The following CEP57L1 variants were observed in gnomAD, a reference collection of about 807,000 sequenced individuals.
The protein encoded by CEP57L1 is centrosomal protein CEP57L1.
A neutral mutation model predicts 61.0 loss-of-function variants in CEP57L1; 37 were observed. The observed-to-expected ratio is 0.61, with a 90% CI of 0.47 to 0.80. The LOEUF (loss-of-function observed/expected upper bound fraction) is 0.80, where lower values mean the gene tolerates loss of function less well. CEP57L1 is among the 30% of genes least tolerant of loss of function. The pLI, the probability that CEP57L1 is intolerant of heterozygous loss-of-function variation, is 0.00. For missense variants in CEP57L1, 422 were observed against 524.7 expected (o/e 0.80, Z 1.91); for synonymous variants, 137 against 162.3 (o/e 0.84, Z 1.19).
In CEP57L1 at chr6:109,141,968, C is replaced by G. The variant is rs185681545; in HGVS notation, c.-3-3251C>G. Among the ~76,000 whole-genome samples, 76 of 152,304 alleles carry G rather than the reference C, an allele frequency of 5.0e-4. No individual in the cohort carries two copies. The East Asian group carries it at 0.012, about 24-fold the overall frequency. The stretch of plus-strand genomic sequence containing the variant: ...CAAAAGTCTTCTATAGTATCTCTGA[C>G]TGCCCCCTAATGTCGTCTCCCTAGC... On this transcript the variant is annotated intron_variant, in intron 1 of 10. Coordinates refer to ENST00000517392, the MANE Select transcript of CEP57L1 (RefSeq NM_001271852.3).
chr6:109,122,789 A>G (rs1562520541), intron 1 of CEP57L1, among the ~76,000 whole-genome samples: 1 of 152,058 alleles, frequency 6.6e-6, no homozygotes, highest in Non-Finnish European at 1.5e-5. Flanking sequence ...CCTGGGCAAC[A>G]GGGTGAGATT....
chr6:109,127,787 ATT>A (rs80049866), intron 1 of CEP57L1, among the ~76,000 whole-genome samples: 3 of 140,302 alleles, frequency 2.1e-5, no homozygotes, highest in African/African-American at 2.6e-5. Flanking sequence ...CGCCTGGCTA[ATT>A]TTTTTTTTTT....
rs112767815 is a variant in CEP57L1, at chr6:109,159,478, C to CT, written c.1016+27dup. The CT allele has an allele frequency of 0.052, 53,526 of 1,028,382 alleles. 20 individuals are homozygous for CT. Among genetic ancestry groups the CT allele is most frequent in the Non-Finnish European group, 0.055 (41,221 of 746,974 alleles). The allele number at this position is 1,028,382 out of a possible 1,614,324, so 63.7% of individuals were successfully genotyped here. A position where few individuals can be genotyped will look rare whatever the true frequency, so the allele number is the denominator to read the frequency against. On this transcript the variant is annotated intron_variant, in intron 9 of 10. Coordinates refer to ENST00000517392, the MANE Select transcript of CEP57L1 (RefSeq NM_001271852.3). Reference sequence around the variant, plus strand: ...AAATGAGCATGTAAGTATTTATATTCTTTTTTTTTTTCAAGAGACAGTGTC... The same window carrying CT: ...AAATGAGCATGTAAGTATTTATATTCTTTTTTTTTTTTCAAGAGACAGTGTC...
At position 109,108,294 on chromosome 6, in the gene CEP57L1, G is replaced by A. The variant is rs544900375; in HGVS notation, c.-4+12719G>A. ...TCACTCTCGTCACCCAGGGTGGAGTGCAGTGGCGCGATCTCAGCTCACTGC... is the reference window on the plus strand; with the variant it reads ...TCACTCTCGTCACCCAGGGTGGAGTACAGTGGCGCGATCTCAGCTCACTGC... On this transcript the variant is annotated intron_variant, in intron 1 of 10. Coordinates refer to ENST00000517392, the MANE Select transcript of CEP57L1 (RefSeq NM_001271852.3). 2.0e-5 allele frequency among the ~76,000 whole-genome samples: 3 copies of A among 150,264 alleles called. No individual in the cohort carries two copies. The South Asian group carries it at 6.3e-4, about 32-fold the overall frequency.
At chr6:109,159,150 T>G in intron 8 of CEP57L1, 48 bp downstream of exon 8, 1 of 1,613,866 alleles carries the variant, frequency 6.2e-7, no homozygotes, top group Non-Finnish European at 8.5e-7. Context: ...ACTCCTGTTT[T>G]GTTGTAAGTG....
Position 109,172,040 on chromosome 6 carries a change from A to T in CEP57L1, c.*9070A>T, listed in dbSNP as rs935617210. 6.6e-6 allele frequency among the ~76,000 whole-genome samples: 1 copy of T among 152,198 alleles called. No individual in the cohort carries two copies. Among genetic ancestry groups the T allele is most frequent in the Non-Finnish European group, 1.5e-5 (1 of 68,028 alleles). On this transcript the variant is annotated 3_prime_UTR_variant, in exon 11 of 11. Transcript: ENST00000517392. ...CAGAACTCAGAAAAGCTGTTAAGTT[A>T]TGGTTATGGTATATTATAGCAAAAG...
chr6:109,159,168 A>G (rs570379948), intron 8 of CEP57L1, 66 bp downstream of exon 8: 15 of 1,613,670 alleles, frequency 9.3e-6, no homozygotes, highest in Non-Finnish European at 1.3e-5. Context: ...GTGCTATTTA[A>G]ATATCTTCAG....
Position 109,149,307 on chromosome 6 carries a change from G to T in CEP57L1, c.341-811G>T, listed in dbSNP as rs201853850. Among the ~76,000 whole-genome samples, 1,231 of 152,070 alleles carry T rather than the reference G, an allele frequency of 8.1e-3. 20 individuals are homozygous for T. Among genetic ancestry groups the T allele is most frequent in the African/African-American group, 0.028 (1,158 of 41,374 alleles). ...GAATTAATTTTTGTATAAGGTGTAA[G>T]GAAGGGATCCAGTTTCAGCTTTCTA... On this transcript the variant is annotated intron_variant, in intron 3 of 10. Coordinates refer to ENST00000517392, the MANE Select transcript of CEP57L1 (RefSeq NM_001271852.3).
At position 109,132,368 on chromosome 6, in the gene CEP57L1, G is replaced by T. The variant is rs139014027; in HGVS notation, c.-3-12851G>T. On this transcript the variant is annotated intron_variant, in intron 1 of 10. Coordinates refer to ENST00000517392, the MANE Select transcript of CEP57L1 (RefSeq NM_001271852.3). ...ACAGCAGCAACAATAACAAAAAATT[G>T]TATGATACTCTTCTTCAGTAACTTG... Among the ~76,000 whole-genome samples the T allele has an allele frequency of 1.1e-3, 161 of 152,244 alleles. 1 individual carries two copies. Among genetic ancestry groups the T allele is most frequent in the African/African-American group, 3.5e-3 (145 of 41,544 alleles).
intron 1 of CEP57L1, among the ~76,000 whole-genome samples, chr6:109,103,965 CAAAAT>C (rs1770622446): frequency 6.7e-6 from 1 of 150,008 alleles, no homozygotes; most frequent in Non-Finnish European, 1.5e-5. Flanking sequence ...ATAAGAGTAA[CAAAAT>C]AAATACCCTT....
At chr6:109,119,538 G>T (rs922607863) in intron 1 of CEP57L1, among the ~76,000 whole-genome samples, 7 of 152,180 alleles carry the variant, frequency 4.6e-5, no homozygotes, top group Non-Finnish European at 7.3e-5. Context: ...GGCAAAGATG[G>T]TGCTTTAAGT....
intron 7 of CEP57L1, 177 bp from the exon 8 acceptor site, chr6:109,158,848 T>C: frequency 1.6e-6 from 1 of 625,578 alleles, no homozygotes; most frequent in Non-Finnish European, 2.8e-6. Context: ...TAATTAATGA[T>C]GTTGAATATC....
chr6:109,144,358 A>G (rs1318780481), intron 1 of CEP57L1, among the ~76,000 whole-genome samples: 1 of 152,174 alleles, frequency 6.6e-6, no homozygotes, highest in Non-Finnish European at 1.5e-5. Flanking sequence ...TTGGATTTCC[A>G]TTTTGAAGCA....
intron 1 of CEP57L1, chr6:109,100,196 T>C (rs1278982339): frequency 6.6e-6 from 1 of 152,156 alleles, no homozygotes; most frequent in Non-Finnish European, 1.5e-5. Flanking sequence ...GTACAGTGCC[T>C]GGTACCTAGT....
chr6:109,120,629 A>G (rs1222540923), intron 1 of CEP57L1, among the ~76,000 whole-genome samples: 10 of 151,652 alleles, frequency 6.6e-5, no homozygotes, highest in Non-Finnish European at 4.4e-5. Flanking sequence ...TAATGGGATT[A>G]TGGGCTACTC....
chr6:109,129,242 C>A, intron 1 of CEP57L1: 1 of 570,730 alleles, frequency 1.8e-6, no homozygotes, highest in Non-Finnish European at 2.4e-6. Context: ...CCAAATCTAT[C>A]CAATCAATTC....
chr6:109,145,187 A>T (rs1771819635), intron 1 of CEP57L1, 32 bp from the exon 2 acceptor site: 1 of 1,315,966 alleles, frequency 7.6e-7, no homozygotes, highest in African/African-American at 2.3e-5. Context: ...ATAGGAAAGC[A>T]TGATACTATA....
chr6:109,156,886 G>C (rs1273534902), intron 7 of CEP57L1: 2 of 151,834 alleles, frequency 1.3e-5, no homozygotes, highest in Non-Finnish European at 2.9e-5. Context: ...ACTTATTTTG[G>C]CTCTTTCCTT....
intron 3 of CEP57L1, among the ~76,000 whole-genome samples, chr6:109,148,531 G>C (rs987622666): frequency 2.3e-4 from 35 of 152,220 alleles, no homozygotes; most frequent in Admixed American, 1.9e-3. Flanking sequence ...TTGGACATTT[G>C]GGTAGGTTCC....
Sources: gnomAD v4.1 joint callset for allele counts (sites outside exome capture counted in the v4.1 genomes callset) on GRCh38, gnomAD v4.1.1 for gene constraint, MANE v1.5 for transcripts, NCBI Gene and HGNC (gene_info 2026-07-23, HGNC 2026-07-21) for gene names.